APBA1: variants seen among roughly 807,000 people sequenced by gnomAD.
APBA1 encodes the protein amyloid beta precursor protein binding family A member 1.
APBA1 carries 55 observed loss-of-function variants against 86.6 expected under a neutral mutation model. The observed-to-expected ratio is 0.64, with a 90% CI of 0.51 to 0.80. The LOEUF (loss-of-function observed/expected upper bound fraction) is 0.80. Ranked by LOEUF, APBA1 falls within the 30% of genes least tolerant of loss-of-function variation. The pLI, the probability that APBA1 is intolerant of heterozygous loss-of-function variation, is 0.00. For missense variants in APBA1, 1,090 were observed against 1,183.0 expected (o/e 0.92, Z 1.15); for synonymous variants, 511 against 493.9 (o/e 1.03, Z -0.46).
chr9:69,447,492 T>C (rs1834929922), intron 10 of APBA1, among the ~76,000 whole-genome samples: 1 of 152,200 alleles, frequency 6.6e-6, no homozygotes, highest in Non-Finnish European at 1.5e-5. Flanking sequence ...ACAGTATCCC[T>C]GGCCTCTACC....
At position 69,630,571 on chromosome 9, in the gene APBA1, G is replaced by A. The variant is rs569286101; in HGVS notation, c.-70+41582C>T. Among the ~76,000 whole-genome samples the A allele has an allele frequency of 7.9e-5, 12 of 152,056 alleles. No individual in the cohort carries two copies. The South Asian group carries it at 2.5e-3, about 32-fold the overall frequency. ...ATTTACCCTGAAGTTTACTCCAATT[G>A]GATCACTCCCCAACACTTCTCTTGA... On this transcript the variant is annotated intron_variant, in intron 1 of 12. Transcript: ENST00000265381.
chr9:69,488,098 C>T (rs1835640735), intron 2 of APBA1, among the ~76,000 whole-genome samples: 1 of 152,002 alleles, frequency 6.6e-6, no homozygotes. Context: ...CGGGGTTGCA[C>T]TGGTTAGAGA....
At chr9:69,514,284 T>C (rs1012793107) in intron 2 of APBA1, among the ~76,000 whole-genome samples, 1 of 152,050 alleles carries the variant, frequency 6.6e-6, no homozygotes, top group African/African-American at 2.4e-5. Context: ...CAATGAGGCA[T>C]AGGGTGGGTG....
rs117671066 is a variant in APBA1, at chr9:69,600,235, C to T, written c.-70+71918G>A. Among the ~76,000 whole-genome samples the T allele has an allele frequency of 3.8e-3, 576 of 152,318 alleles. 1 individual carries two copies. Among genetic ancestry groups the T allele is most frequent in the Admixed American group, 7.8e-3 (119 of 15,298 alleles). On this transcript the variant is annotated intron_variant, in intron 1 of 12. Coordinates refer to ENST00000265381, the MANE Select transcript of APBA1 (RefSeq NM_001163.4). ...CATAGGCTGTGGCCAAAAACAATTT[C>T]CGCTGACTATGGTGATGGCGATTCT...
intron 1 of APBA1, among the ~76,000 whole-genome samples, chr9:69,648,836 A>G (rs1823440141): frequency 1.3e-5 from 2 of 152,144 alleles, no homozygotes; most frequent in Admixed American, 6.5e-5. Flanking sequence ...TTGAGATCCT[A>G]TATCTAAGGG....
In APBA1 at chr9:69,618,823, G is replaced by A. The variant is rs141514079; in HGVS notation, c.-70+53330C>T. Among the ~76,000 whole-genome samples the A allele has an allele frequency of 2.8e-3, 433 of 152,258 alleles. 1 individual carries two copies. The highest frequency in any genetic ancestry group is 9.9e-3 in the African/African-American group (411 of 41,556). On this transcript the variant is annotated intron_variant, in intron 1 of 12. Coordinates refer to ENST00000265381, the MANE Select transcript of APBA1 (RefSeq NM_001163.4). ...AAGATACATTACATAGAGGAAAAGG[G>A]TAAAAACTTGTTAGAGGCAGAAGAA...
At chr9:69,640,313 C>G (rs1210824542) in intron 1 of APBA1, among the ~76,000 whole-genome samples, 1 of 151,984 alleles carries the variant, frequency 6.6e-6, no homozygotes, top group South Asian at 2.1e-4. Context: ...AGTGTGAGCC[C>G]TCACTCCCGG....
Position 69,516,174 on chromosome 9 carries a change from A to G in APBA1, c.1037T>C (p.Ile346Thr). ...QRYSKEKRDA[I>T]SLAIKDIKEA... ...CTTGATGTCCTTGATGGCCAGCGAG[A>G]TGGCATCGCGCTTCTCCTTGCTGTA... The change falls in exon 2 of 13, where the codon ATC becomes ACC. Residue 346 changes from isoleucine (I) to threonine (T), a missense_variant. Physicochemically the swap from Ile to Thr is moderately conservative, Grantham distance 89. Coordinates refer to ENST00000265381, the MANE Select transcript of APBA1 (RefSeq NM_001163.4). The surrounding 1 kb of genome is among the most constrained non-coding windows in gnomAD (Gnocchi z 7.3). The G allele has an allele frequency of 6.2e-7, 1 of 1,610,646 alleles. No homozygotes were observed.
chr9:69,648,557 C>A (rs1018425708), intron 1 of APBA1, among the ~76,000 whole-genome samples: 4 of 152,136 alleles, frequency 2.6e-5, no homozygotes, highest in African/African-American at 9.7e-5. Context: ...GGGCAAAAAT[C>A]ATTATTTTTA....
intron 3 of APBA1, among the ~76,000 whole-genome samples, chr9:69,474,829 C>T (rs11138843): frequency 0.092 from 13,926 of 152,156 alleles, 786 homozygotes; most frequent in East Asian, 0.27. Flanking sequence ...TTCAAGGGTG[C>T]CTTAAGGGTA....
intron 11 of APBA1, among the ~76,000 whole-genome samples, chr9:69,435,504 G>A (rs1054729348): frequency 9.9e-5 from 15 of 152,204 alleles, no homozygotes; most frequent in Admixed American, 2.6e-4. Flanking sequence ...GTGTGAGATG[G>A]TATCTCATTG....
At chr9:69,656,886 C>T (rs190526815) in intron 1 of APBA1, among the ~76,000 whole-genome samples, 1 of 147,468 alleles carries the variant, frequency 6.8e-6, no homozygotes, top group East Asian at 2.0e-4. Flanking sequence ...TCGCCCAGGC[C>T]GGACTGCGGA....
intron 1 of APBA1, among the ~76,000 whole-genome samples, chr9:69,670,669 C>T (rs569224947): frequency 1.3e-5 from 2 of 152,296 alleles, no homozygotes; most frequent in African/African-American, 4.8e-5. Context: ...CCTATCTTTA[C>T]CACGCAGAGA....
intron 1 of APBA1, among the ~76,000 whole-genome samples, chr9:69,659,614 C>T (rs1229864013): frequency 6.6e-6 from 1 of 152,180 alleles, no homozygotes; most frequent in African/African-American, 2.4e-5. Flanking sequence ...TCACAGGGAG[C>T]AGCTTAGACA....
chr9:69,525,206 C>T (rs1836322962), intron 1 of APBA1, among the ~76,000 whole-genome samples: 1 of 152,082 alleles, frequency 6.6e-6, no homozygotes, highest in Admixed American at 6.6e-5. Context: ...ACCTATTCAG[C>T]ATAGTTTTGG....
At chr9:69,530,358 ATG>A (rs1448969682) in intron 1 of APBA1, among the ~76,000 whole-genome samples, 16 of 148,008 alleles carry the variant, frequency 1.1e-4, no homozygotes, top group South Asian at 4.2e-4. Context: ...ACACACACAC[ATG>A]CAACACTATG....
At chr9:69,633,526 T>G (rs1471426782) in intron 1 of APBA1, among the ~76,000 whole-genome samples, 1 of 152,226 alleles carries the variant, frequency 6.6e-6, no homozygotes, top group Admixed American at 6.5e-5. Context: ...GACTCTAATC[T>G]TCTCAGTATT....
At chr9:69,569,417 T>C (rs570639907) in intron 1 of APBA1, among the ~76,000 whole-genome samples, 3 of 151,672 alleles carry the variant, frequency 2.0e-5, no homozygotes, top group Non-Finnish European at 4.4e-5. Flanking sequence ...CTTCCCTTGA[T>C]ATATGGAGAC....
rs570868690 is a variant in APBA1, at chr9:69,591,026, C to T, written c.-69-73747G>A. Among the ~76,000 whole-genome samples, 7 of 152,266 alleles carry T rather than the reference C, an allele frequency of 4.6e-5. No homozygotes were observed. The East Asian group carries it at 7.7e-4, about 17-fold the overall frequency. On this transcript the variant is annotated intron_variant, in intron 1 of 12. Coordinates refer to ENST00000265381, the MANE Select transcript of APBA1 (RefSeq NM_001163.4). ...GTTGCCATGACTCCAAGAGGTCCCCCGTACCATGGTCCCAAACTGTGGGAG... is the reference window on the plus strand; with the variant it reads ...GTTGCCATGACTCCAAGAGGTCCCCTGTACCATGGTCCCAAACTGTGGGAG...
Sources: gnomAD v4.1 joint callset for allele counts (sites outside exome capture counted in the v4.1 genomes callset) on GRCh38, gnomAD v4.1.1 for gene constraint, Gnocchi (gnomAD v3.1) non-coding constraint, MANE v1.5 for transcripts, NCBI Gene and HGNC (gene_info 2026-07-23, HGNC 2026-07-21) for gene names.